The following DOCK1 variants were observed in gnomAD, a reference collection of about 807,000 sequenced individuals.
The protein encoded by DOCK1 is dedicator of cytokinesis 1.
A neutral mutation model predicts 262.7 loss-of-function variants in DOCK1; 138 were observed. The observed-to-expected ratio is 0.53, with a 90% CI of 0.46 to 0.61. The LOEUF (loss-of-function observed/expected upper bound fraction) is 0.61. DOCK1 is among the 20% of genes least tolerant of loss of function. The probability of loss-of-function intolerance (pLI) is 0.00; values close to 1 mark genes in which losing one functional copy is unlikely to be tolerated. For synonymous variants in DOCK1, 866 were observed against 867.4 expected, an observed-to-expected ratio of 1.00 and a Z score of 0.03; for missense variants, 1,908 against 2,370.7, an observed-to-expected ratio of 0.80 and a Z score of 4.05.
At chr10:127,394,744 G>C (rs897376687) in intron 38 of DOCK1, among the ~76,000 whole-genome samples, 2 of 152,126 alleles carry the variant, frequency 1.3e-5, no homozygotes, top group Non-Finnish European at 1.5e-5. Context: ...GCTTATGTGG[G>C]ATCACTAACA....
Position 127,176,428 on chromosome 10 carries a change from T to G in DOCK1, c.2847+48664T>G. On this transcript the variant is annotated intron_variant, in intron 27 of 51. Transcript: ENST00000623213. The surrounding 1 kb of genome is among the most constrained non-coding windows in gnomAD (Gnocchi z 4.4). ...GCATTCAGAAACAGCAACAGAGGTG[T>G]CAGTGGGACAGAAATACACACTCAA... The G allele has an allele frequency of 3.2e-6, 5 of 1,553,890 alleles. No homozygotes were observed. The highest frequency in any genetic ancestry group is 4.4e-6 in the Non-Finnish European group (5 of 1,147,896).
intron 27 of DOCK1, among the ~76,000 whole-genome samples, chr10:127,142,727 A>G (rs188040693): frequency 1.2e-4 from 18 of 152,268 alleles, no homozygotes; most frequent in African/African-American, 4.3e-4. Context: ...CTCCCTCCAG[A>G]TAAGGGAACC....
intron 23 of DOCK1, among the ~76,000 whole-genome samples, chr10:127,075,110 G>A (rs994398935): frequency 6.8e-6 from 1 of 148,064 alleles, no homozygotes; most frequent in South Asian, 2.2e-4. Context: ...TGGAGGTTGT[G>A]GTGAGCTGAG....
At position 127,374,049 on chromosome 10, in the gene DOCK1, A is replaced by C. The variant is rs779159458; in HGVS notation, c.3519-9A>C. 1 of 1,600,712 alleles carries C rather than the reference A, an allele frequency of 6.2e-7. No homozygotes were observed. Among genetic ancestry groups the C allele is most frequent in the Non-Finnish European group, 8.5e-7 (1 of 1,174,528 alleles). ...TGTGATTAACAAGGTGTGTATAATT[A>C]TTTTTCAGCCTTCTGGAACACTGCA... On this transcript the variant is annotated splice_polypyrimidine_tract_variant and intron_variant, in intron 34 of 51. Coordinates refer to ENST00000623213, the MANE Select transcript of DOCK1 (RefSeq NM_001290223.2).
intron 47 of DOCK1, among the ~76,000 whole-genome samples, chr10:127,429,415 C>T (rs2069129233): frequency 6.6e-6 from 1 of 152,100 alleles, no homozygotes; most frequent in Admixed American, 6.5e-5. Context: ...TGGGATGTGC[C>T]TTTCCTGTCT....
chr10:127,230,459 G>A (rs1401476966), intron 27 of DOCK1, among the ~76,000 whole-genome samples: 1 of 152,056 alleles, frequency 6.6e-6, no homozygotes, highest in African/African-American at 2.4e-5. Context: ...ATGAGATGAG[G>A]TTATAATTTC....
At chr10:127,214,054 A>G (rs1237219711) in intron 27 of DOCK1, among the ~76,000 whole-genome samples, 1 of 152,130 alleles carries the variant, frequency 6.6e-6, no homozygotes, top group African/African-American at 2.4e-5. Context: ...TCACTATGTT[A>G]GCCAGGATGG....
At chr10:127,444,618 G>A (rs747962136) in intron 50 of DOCK1, among the ~76,000 whole-genome samples, 19 of 152,284 alleles carry the variant, frequency 1.2e-4, no homozygotes, top group African/African-American at 1.9e-4. Context: ...GCCTGCTTGT[G>A]TCTAGGACTG....
intron 29 of DOCK1, among the ~76,000 whole-genome samples, chr10:127,281,974 G>C (rs949999438): frequency 6.6e-6 from 1 of 152,120 alleles, no homozygotes; most frequent in Non-Finnish European, 1.5e-5. Flanking sequence ...ATTGTCTTGG[G>C]CCACACAATA....
chr10:127,384,073 C>A (rs1034270750), intron 37 of DOCK1, among the ~76,000 whole-genome samples: 3 of 152,158 alleles, frequency 2.0e-5, no homozygotes, highest in Non-Finnish European at 2.9e-5. Context: ...CCTCTTTGAC[C>A]TGGTTTGTGG....
chr10:127,409,081 A>T lies in DOCK1; in HGVS notation c.4167A>T (p.Glu1389Asp). The change falls in exon 41 of 52, where the codon GAA becomes GAT. Residue 1389 changes from glutamate to aspartate, a missense_variant. By Grantham distance (45) the Glu-to-Asp change is conservative (BLOSUM62 2). Around this residue, in one of 9 missense-constraint regions of DOCK1, gnomAD observed 267 missense variants for 366.3 expected, o/e 0.73. Transcript: ENST00000623213. ...IYRGKEYERR[E>D]DFEARLLTQF... ...GAGGGAAAGAGTATGAGCGCCGGGA[A>T]GATTTTGAGGCTCGGCTCTTAACTC... The T allele has an allele frequency of 6.2e-7, 1 of 1,600,572 alleles. No homozygotes were observed. Among genetic ancestry groups the T allele is most frequent in the Non-Finnish European group, 8.5e-7 (1 of 1,172,822 alleles).
intron 1 of DOCK1, among the ~76,000 whole-genome samples, chr10:126,914,544 A>G (rs2032237750): frequency 6.6e-6 from 1 of 152,154 alleles, no homozygotes; most frequent in South Asian, 2.1e-4. Context: ...CTGGGACTAC[A>G]GGTCTAGCTA....
chr10:127,131,186 T>C (rs964390094), intron 27 of DOCK1, among the ~76,000 whole-genome samples: 35 of 152,106 alleles, frequency 2.3e-4, no homozygotes, highest in African/African-American at 8.0e-4. Flanking sequence ...CAGAGCCACA[T>C]TGATATCAAG....
At chr10:126,942,550 G>A (rs2035096112) in intron 1 of DOCK1, among the ~76,000 whole-genome samples, 1 of 152,180 alleles carries the variant, frequency 6.6e-6, no homozygotes, top group Admixed American at 6.5e-5. Context: ...GGATGGAGCT[G>A]CTCCTTCCTT....
intron 27 of DOCK1, among the ~76,000 whole-genome samples, chr10:127,210,190 C>A (rs752401483): frequency 6.6e-6 from 1 of 152,154 alleles, no homozygotes; most frequent in South Asian, 2.1e-4. Context: ...GGTTATTGGC[C>A]CATTACCTAT....
At chr10:126,938,741 G>A (rs1350804584) in intron 1 of DOCK1, among the ~76,000 whole-genome samples, 7,984 of 151,906 alleles carry the variant, frequency 0.053, 274 homozygotes, top group Middle Eastern at 0.12. Context: ...ACATTCTCCA[G>A]AGGGGATGAA....
At chr10:127,257,154 T>C (rs2059854953) in intron 28 of DOCK1, among the ~76,000 whole-genome samples, 181 bp from the exon 29 acceptor site, 1 of 152,116 alleles carries the variant, frequency 6.6e-6, no homozygotes, top group African/African-American at 2.4e-5. Flanking sequence ...AGACAGGAGG[T>C]GCTCAGGTAA....
intron 23 of DOCK1, 107 bp from the exon 24 acceptor site, chr10:127,106,124 T>A (rs1463785296): frequency 3.5e-6 from 4 of 1,157,738 alleles, no homozygotes; most frequent in Non-Finnish European, 4.9e-6. Context: ...CTGGAAGTGA[T>A]CTTTCTCTTC....
intron 27 of DOCK1, among the ~76,000 whole-genome samples, chr10:127,147,429 A>C (rs1302458948): frequency 2.6e-5 from 4 of 152,130 alleles, no homozygotes; most frequent in Non-Finnish European, 5.9e-5. Flanking sequence ...CTGCTTTGCC[A>C]GGTCGGGCAC....
Sources: allele counts gnomAD v4.1 joint callset (sites outside exome capture counted in the v4.1 genomes callset), GRCh38; gene constraint gnomAD v4.1.1; regional missense constraint gnomAD v4.1.1; non-coding constraint Gnocchi (gnomAD v3.1); transcripts MANE v1.5; gene names NCBI Gene and HGNC (gene_info 2026-07-23, HGNC 2026-07-21).